The following CDC5L variants were observed in gnomAD, a reference collection of about 807,000 sequenced individuals.
The protein encoded by CDC5L is cell division cycle 5 like.
Under a neutral mutation model 104.1 loss-of-function variants are expected in CDC5L, and 18 were observed. That is an observed-to-expected ratio of 0.17 (90% CI 0.12 to 0.26). The LOEUF is 0.26. Ranked by LOEUF, CDC5L falls within the 10% of genes least tolerant of loss-of-function variation. The pLI is 1.00. For missense variants in CDC5L, 673 were observed against 956.9 expected (o/e 0.70, Z 3.91); for synonymous variants, 331 against 322.7 (o/e 1.03, Z -0.28).
intron 5 of CDC5L, among the ~76,000 whole-genome samples, chr6:44,401,433 C>G (rs745370646): frequency 6.3e-4 from 95 of 151,988 alleles, no homozygotes; most frequent in Non-Finnish European, 1.0e-3. Context: ...GGAAGGAAGC[C>G]CACTTTTCAG....
At chr6:44,409,618 A>G (rs1791538140) in intron 8 of CDC5L, among the ~76,000 whole-genome samples, 1 of 152,214 alleles carries the variant, frequency 6.6e-6, no homozygotes, top group Non-Finnish European at 1.5e-5. Flanking sequence ...AAGTTTTTTG[A>G]CTAAGCAGTA....
intron 5 of CDC5L, among the ~76,000 whole-genome samples, chr6:44,398,138 T>C (rs912865162): frequency 5.3e-5 from 8 of 152,312 alleles, no homozygotes; most frequent in African/African-American, 1.2e-4. Flanking sequence ...GGCCAATTGC[T>C]AGCCTAGAAT....
In CDC5L at chr6:44,413,850, G is replaced by T. The variant is rs1198139808; in HGVS notation, c.1092+5218G>T. Reference sequence around the variant, plus strand: ...TCCTTCTGCCTCAGCCTCCCAAAACGCTGGGATTACAGGCATCAGCCACCG... The same window carrying T: ...TCCTTCTGCCTCAGCCTCCCAAAACTCTGGGATTACAGGCATCAGCCACCG... On this transcript the variant is annotated intron_variant, in intron 8 of 15. Transcript: ENST00000371477. Among the ~76,000 whole-genome samples, 16 of 152,262 alleles carry T rather than the reference G, an allele frequency of 1.1e-4. 1 individual carries two copies. The highest frequency in any genetic ancestry group is 8.5e-4 in the Admixed American group (13 of 15,290).
At position 44,426,177 on chromosome 6, in the gene CDC5L, A is replaced by G. The variant is rs911566216; in HGVS notation, c.1644A>G (p.Pro548=). The change falls in exon 12 of 16, where the codon CCA becomes CCG. Residue 548 remains proline, a synonymous_variant. Coordinates refer to ENST00000371477, the MANE Select transcript of CDC5L (RefSeq NM_001253.4). ...CTGTCCAGAAAGATCTGCCAAGACC[A>G]TCAGAAGTAAGTGTTAGAATTTCTG... ...HKAVQKDLPR[P]SEVNETILRP... is the part of the protein sequence containing the mutation. 1.2e-6 allele frequency: 2 copies of G among 1,602,128 alleles called. No individual in the cohort carries two copies. Among genetic ancestry groups the G allele is most frequent in the East Asian group, 2.2e-5 (1 of 44,770 alleles).
chr6:44,414,504 T>A lies in CDC5L; in HGVS notation c.1093-4945T>A, dbSNP rs911050443. Among the ~76,000 whole-genome samples, 11 of 151,740 alleles carry A rather than the reference T, an allele frequency of 7.2e-5. No individual in the cohort carries two copies. The South Asian group carries it at 8.3e-4, about 11-fold the overall frequency. ...TGGGTTATCTTTTTTTTTTTTAATT[T>A]AAAAATTTTTTTTGTAGAGACAGGG... is the stretch of plus-strand genomic sequence containing the variant. On this transcript the variant is annotated intron_variant, in intron 8 of 15. Transcript: ENST00000371477.
intron 11 of CDC5L, 57 bp from the exon 12 acceptor site, chr6:44,426,046 C>T: frequency 8.5e-7 from 1 of 1,180,142 alleles, no homozygotes; most frequent in Non-Finnish European, 1.2e-6. Flanking sequence ...TTTAGCTTTA[C>T]TGAGAGATAT....
At chr6:44,443,681 C>G (rs1453879093) in intron 14 of CDC5L, among the ~76,000 whole-genome samples, 1 of 151,342 alleles carries the variant, frequency 6.6e-6, no homozygotes, top group African/African-American at 2.4e-5. Context: ...TATGTTTTCT[C>G]ATTGATACTT....
rs907910119 is a variant in CDC5L, at chr6:44,392,600, C to A, written c.150-67C>A. 2.2e-6 allele frequency: 3 copies of A among 1,367,364 alleles called. No individual in the cohort carries two copies. The Admixed American group carries it at 5.7e-5, about 26-fold the overall frequency. The allele number at this position is 1,367,364 out of a possible 1,614,324, so 84.7% of individuals were successfully genotyped here. On this transcript the variant is annotated intron_variant, in intron 2 of 15. Transcript: ENST00000371477. ...AGGATGAGAGCACAAGTCAGTGTAT[C>A]CATTGTGCAAATTGGATATTTATGC...
intron 14 of CDC5L, among the ~76,000 whole-genome samples, chr6:44,444,192 A>C (rs1306863421): frequency 6.7e-6 from 1 of 150,100 alleles, no homozygotes; most frequent in Non-Finnish European, 1.5e-5. Context: ...TGATTCTTCC[A>C]CTCTTTCTAC....
chr6:44,425,564 C>G (rs763992194), intron 11 of CDC5L, among the ~76,000 whole-genome samples: 6 of 152,066 alleles, frequency 3.9e-5, no homozygotes, highest in Non-Finnish European at 7.4e-5. Flanking sequence ...TCAGTGGAAA[C>G]AATATTTTAG....
intron 14 of CDC5L, among the ~76,000 whole-genome samples, chr6:44,436,405 A>T (rs1792940113): frequency 7.2e-6 from 1 of 139,704 alleles, no homozygotes; most frequent in South Asian, 2.4e-4. Flanking sequence ...GATTTTGGTT[A>T]GCGTAAATAG....
intron 9 of CDC5L, among the ~76,000 whole-genome samples, chr6:44,420,114 C>G (rs1048803428): frequency 6.6e-6 from 1 of 152,074 alleles, no homozygotes; most frequent in African/African-American, 2.4e-5. Flanking sequence ...ATGAAAATTT[C>G]AGGCATTTAG....
At chr6:44,398,541 G>T (rs1373623546) in intron 5 of CDC5L, among the ~76,000 whole-genome samples, 1 of 152,190 alleles carries the variant, frequency 6.6e-6, no homozygotes, top group African/African-American at 2.4e-5. Flanking sequence ...AAAGTGCAGG[G>T]CAGGGCTATT....
At chr6:44,413,084 A>C (rs995488709) in intron 8 of CDC5L, among the ~76,000 whole-genome samples, 1 of 152,146 alleles carries the variant, frequency 6.6e-6, no homozygotes, top group African/African-American at 2.4e-5. Context: ...GCCCGGCCCA[A>C]TTTTAGAATA....
chr6:44,390,880 TTA>T (rs1046715004), intron 2 of CDC5L, among the ~76,000 whole-genome samples: 3 of 147,412 alleles, frequency 2.0e-5, no homozygotes, highest in Non-Finnish European at 4.5e-5. Flanking sequence ...AGTTAATATG[TTA>T]TATATTATAT....
At chr6:44,409,599 TC>T (rs1227291988) in intron 8 of CDC5L, among the ~76,000 whole-genome samples, 4 of 152,236 alleles carry the variant, frequency 2.6e-5, no homozygotes, top group Non-Finnish European at 5.9e-5. Flanking sequence ...CTTGTTTTAT[TC>T]AGTTGCTAAG....
intron 14 of CDC5L, among the ~76,000 whole-genome samples, chr6:44,440,708 CTTTT>C (rs372146196): frequency 5.3e-5 from 7 of 130,946 alleles, no homozygotes; most frequent in Admixed American, 1.6e-4. Flanking sequence ...ATTTAAAATC[CTTTT>C]TTTTTTTTTT....
chr6:44,393,319 C>A, intron 3 of CDC5L, 127 bp from the exon 4 acceptor site: 1 of 761,758 alleles, frequency 1.3e-6, no homozygotes, highest in South Asian at 2.0e-5. Flanking sequence ...AGTAAAAAGG[C>A]TTTATGTTGT....
In CDC5L at chr6:44,429,869, A is replaced by G. The variant is rs1380966290; in HGVS notation, c.2050A>G (p.Ser684Gly). The G allele has an allele frequency of 6.8e-6, 11 of 1,613,956 alleles. No homozygotes were observed. In the African/African-American group the frequency reaches 9.3e-5, roughly 14 times the overall value. ...QSRYTRANLA[S>G]KKDRIESLEK... ...CCGCTACACACGGGCCAATCTGGCT[A>G]GTAAAAAGGACAGAATTGAATCACT... Residue 684 changes from serine (S) to glycine (G), a missense_variant, in exon 14 of 16, where the codon AGT (serine) becomes GGT (glycine). Coordinates refer to ENST00000371477, the MANE Select transcript of CDC5L (RefSeq NM_001253.4).
Sources: allele counts gnomAD v4.1 joint callset (sites outside exome capture counted in the v4.1 genomes callset), GRCh38; gene constraint gnomAD v4.1.1; transcripts MANE v1.5; gene names NCBI Gene and HGNC (gene_info 2026-07-23, HGNC 2026-07-21).